BMAL1: variants seen among roughly 807,000 people sequenced by gnomAD.
BMAL1 encodes the protein basic helix-loop-helix ARNT like 1.
At chr11:13,342,434 A>T in the BMAL1 span, among the ~76,000 whole-genome samples, 1 of 152,144 alleles carries the variant, frequency 6.6e-6, no homozygotes, top group Non-Finnish European at 1.5e-5. Flanking sequence ...ATGGCCTTGC[A>T]GGGCATGGTT....
the BMAL1 span, among the ~76,000 whole-genome samples, chr11:13,326,143 C>T: frequency 6.6e-6 from 1 of 150,630 alleles, no homozygotes; most frequent in Non-Finnish European, 1.5e-5. Context: ...GCAGAGGTTG[C>T]AGTTGAGCCG....
the BMAL1 span, among the ~76,000 whole-genome samples, chr11:13,331,710 A>G: frequency 1.3e-5 from 2 of 152,178 alleles, no homozygotes; most frequent in African/African-American, 4.8e-5. Context: ...TCTGGTAGCC[A>G]ATATCAGTGG....
the BMAL1 span, among the ~76,000 whole-genome samples, chr11:13,348,774 TC>T: frequency 6.6e-6 from 1 of 152,200 alleles, no homozygotes; most frequent in Non-Finnish European, 1.5e-5. Context: ...CAGTGAGCGT[TC>T]CTGAATCAGA....
the BMAL1 span, chr11:13,365,340 G>A: frequency 1.6e-4 from 79 of 505,636 alleles, no homozygotes; most frequent in Admixed American, 2.0e-4. Flanking sequence ...GTTCTTCAGA[G>A]ACGTTTGTTT....
the BMAL1 span, among the ~76,000 whole-genome samples, chr11:13,302,098 G>T: frequency 6.6e-6 from 1 of 152,316 alleles, no homozygotes; most frequent in Admixed American, 6.5e-5. Flanking sequence ...GAGATGAGGG[G>T]CATTGGAGAG....
chr11:13,368,306 T>A, the BMAL1 span, among the ~76,000 whole-genome samples: 1 of 152,068 alleles, frequency 6.6e-6, no homozygotes, highest in Non-Finnish European at 1.5e-5. Context: ...ACAACCGAGG[T>A]GGGTTTGAAA....
At chr11:13,359,115 A>G in the BMAL1 span, among the ~76,000 whole-genome samples, 2 of 152,028 alleles carry the variant, frequency 1.3e-5, 1 homozygote, top group South Asian at 4.1e-4. Context: ...AACCAGATCC[A>G]CTCTTTGTGA....
chr11:13,305,892 T>G, the BMAL1 span, among the ~76,000 whole-genome samples: 3 of 152,156 alleles, frequency 2.0e-5, no homozygotes, highest in Admixed American at 2.0e-4. Flanking sequence ...CATTTTCTCT[T>G]TGTGCTCCTT....
the BMAL1 span, among the ~76,000 whole-genome samples, chr11:13,327,472 A>G: frequency 6.6e-6 from 1 of 151,812 alleles, no homozygotes; most frequent in African/African-American, 2.4e-5. Flanking sequence ...CCTGTCCCAA[A>G]CTTTCTAGCC....
the BMAL1 span, among the ~76,000 whole-genome samples, chr11:13,307,066 G>A: frequency 6.6e-6 from 1 of 152,220 alleles, no homozygotes; most frequent in Non-Finnish European, 1.5e-5. Flanking sequence ...GCAAGGGAGT[G>A]GAGAGTTCTA....
At chr11:13,284,641 C>T in the BMAL1 span, among the ~76,000 whole-genome samples, 24 of 151,656 alleles carry the variant, frequency 1.6e-4, 1 homozygote, top group South Asian at 4.8e-3. Context: ...GTGGGGGATG[C>T]CTTCGCATCT....
chr11:13,292,546 CAAAA>C, the BMAL1 span, among the ~76,000 whole-genome samples: 1 of 84,094 alleles, frequency 1.2e-5, no homozygotes, highest in African/African-American at 3.6e-5. Context: ...GACTCCATCT[CAAAA>C]AAAAAAAAAT....
the BMAL1 span, among the ~76,000 whole-genome samples, chr11:13,323,455 A>G: frequency 6.6e-6 from 1 of 152,210 alleles, no homozygotes; most frequent in African/African-American, 2.4e-5. Flanking sequence ...CAAACAAAAA[A>G]CTAGCCTTGC....
the BMAL1 span, among the ~76,000 whole-genome samples, chr11:13,363,131 T>G: frequency 2.7e-5 from 1 of 36,468 alleles, no homozygotes; most frequent in African/African-American, 1.4e-4. Context: ...TTATTTCATA[T>G]ATATATATAT....
the BMAL1 span, among the ~76,000 whole-genome samples, chr11:13,352,077 G>T: frequency 6.6e-6 from 1 of 152,182 alleles, no homozygotes; most frequent in African/African-American, 2.4e-5. Flanking sequence ...TCTCGAGGAG[G>T]TGGGAGAGGT....
the BMAL1 span, among the ~76,000 whole-genome samples, chr11:13,285,155 C>G: frequency 6.6e-6 from 1 of 152,212 alleles, no homozygotes; most frequent in African/African-American, 2.4e-5. Flanking sequence ...GCCAACCATT[C>G]ATTCGTTCAG....
the BMAL1 span, among the ~76,000 whole-genome samples, chr11:13,297,620 A>G: frequency 6.6e-6 from 1 of 152,116 alleles, no homozygotes; most frequent in Non-Finnish European, 1.5e-5. Context: ...ATGTGTCCCC[A>G]GGGGAGGCTC....
chr11:13,365,384 G>A, the BMAL1 span: 1 of 826,844 alleles, frequency 1.2e-6, no homozygotes, highest in Non-Finnish European at 1.9e-6. Flanking sequence ...CACTGAAACT[G>A]TTAGTGTTCC....
At chr11:13,319,163 T>A in the BMAL1 span, among the ~76,000 whole-genome samples, 36,182 of 152,184 alleles carry the variant, frequency 0.24, 4,727 homozygotes, top group East Asian at 0.47. Flanking sequence ...TTTTTCCAAG[T>A]CCATATGTAC....
Sources: gnomAD v4.1 joint callset for allele counts (sites outside exome capture counted in the v4.1 genomes callset) on GRCh38, gnomAD v4.1.1 for gene constraint, MANE v1.5 for transcripts, NCBI Gene and HGNC (gene_info 2026-07-23, HGNC 2026-07-21) for gene names.